Variants in ADAMTS8 observed in about 807,000 individuals in gnomAD.
The protein encoded by ADAMTS8 is ADAM metallopeptidase with thrombospondin type 1 motif 8.
ADAMTS8 carries 50 observed loss-of-function variants against 64.4 expected under a neutral mutation model. The ratio of observed to expected loss-of-function variants is 0.78; its 90% CI spans 0.62 to 0.98. The LOEUF (loss-of-function observed/expected upper bound fraction) is 0.98, where lower values mean the gene tolerates loss of function less well. Ranked by LOEUF, ADAMTS8 falls within the 50% of genes least tolerant of loss-of-function variation. The pLI is 0.00. For missense variants in ADAMTS8, 1,192 were observed against 1,208.2 expected (o/e 0.99, Z 0.20); for synonymous variants, 556 against 533.6 (o/e 1.04, Z -0.58).
Position 130,405,796 on chromosome 11 carries a change from T to A in ADAMTS8, c.2432A>T (p.Asp811Val), listed in dbSNP as rs769784831. 1.7e-5 allele frequency: 28 copies of A among 1,614,072 alleles called. No homozygotes were observed. Among genetic ancestry groups the A allele is most frequent in the Non-Finnish European group, 1.3e-5 (15 of 1,180,044 alleles). Residue 811 changes from aspartate to valine, a missense_variant, in exon 9 of 9, where the codon GAC (aspartate) becomes GTC (valine). By Grantham distance (152) the Asp-to-Val change is radical (BLOSUM62 -3). Coordinates refer to ENST00000257359, the MANE Select transcript of ADAMTS8 (RefSeq NM_007037.6). ...KVKYTFFVPN[D>V]VDFSMQSSKE... ...GCTGCTCTGCATGCTAAAGTCCACGTCATTAGGAACAAAGAAGGTGTATTT... is the reference window on the plus strand; with the variant it reads ...GCTGCTCTGCATGCTAAAGTCCACGACATTAGGAACAAAGAAGGTGTATTT...
At chr11:130,414,040 A>G (rs1489238786) in intron 5 of ADAMTS8, among the ~76,000 whole-genome samples, 1 of 128,730 alleles carries the variant, frequency 7.8e-6, no homozygotes, top group Admixed American at 8.4e-5. Flanking sequence ...CCGTGTGGAT[A>G]AATATGCTTT....
intron 1 of ADAMTS8, among the ~76,000 whole-genome samples, chr11:130,424,456 C>T (rs1325947610): frequency 2.0e-5 from 3 of 152,222 alleles, no homozygotes; most frequent in Non-Finnish European, 4.4e-5. Context: ...CACACAGGTG[C>T]TCAGACCGGG....
At position 130,405,699 on chromosome 11, in the gene ADAMTS8, C is replaced by A; in HGVS notation, c.2529G>T (p.Glu843Asp). 2.5e-6 allele frequency: 4 copies of A among 1,614,154 alleles called. No homozygotes were observed. Among genetic ancestry groups the A allele is most frequent in the Non-Finnish European group, 3.4e-6 (4 of 1,179,988 alleles). ...HAQWVLGDWS[E>D]CSSTCGAGWQ... The stretch of plus-strand genomic sequence containing the variant: ...AGCCGGCCCCGCAGGTGCTAGAGCA[C>A]TCAGACCAGTCCCCCAGCACCCACT... Residue 843 changes from glutamate (E) to aspartate (D), a missense_variant, in exon 9 of 9, where the codon GAG (glutamate) becomes GAT (aspartate). Glu to Asp is a conservative substitution (Grantham distance 45). This residue lies in a region of ADAMTS8 where 147 missense variants were observed against 154.1 expected (regional missense o/e 0.95). Transcript: ENST00000257359.
intron 4 of ADAMTS8, among the ~76,000 whole-genome samples, chr11:130,415,796 G>A (rs535519297): frequency 1.3e-5 from 2 of 151,906 alleles, no homozygotes; most frequent in East Asian, 1.9e-4. Context: ...CCAGCTCCCC[G>A]CCCTCTTGCT....
In ADAMTS8 at chr11:130,423,567, G is replaced by A. The variant is rs1356529014; in HGVS notation, c.720+4000C>T. Among the ~76,000 whole-genome samples the A allele has an allele frequency of 2.6e-5, 4 of 152,218 alleles. No individual in the cohort carries two copies. The East Asian group carries it at 7.7e-4, about 29-fold the overall frequency. On this transcript the variant is annotated intron_variant, in intron 1 of 8. Transcript: ENST00000257359. ...GAAGACATTTTCCCCACAGCATGCAGGTAAGGGGGCATGGAGATGGCTGTG... is the reference window on the plus strand; with the variant it reads ...GAAGACATTTTCCCCACAGCATGCAAGTAAGGGGGCATGGAGATGGCTGTG...
In ADAMTS8 at chr11:130,416,190, GAT is replaced by G; in HGVS notation, c.1235_1236del (p.Tyr412SerfsTer68). On this transcript the variant is annotated frameshift_variant, in exon 4 of 9. Coordinates refer to ENST00000257359, the MANE Select transcript of ADAMTS8 (RefSeq NM_007037.6). LOFTEE classifies it high-confidence loss of function. This position sits in a 1 kb window ranked among gnomAD's most constrained non-coding sequence, Gnocchi z 4.8. ...TGCCCGCCGTCCAGAAGCTCTGTGAGATACATGGCGCTGCAGGGGGACCAGGG... is the reference window on the plus strand; with the variant it reads ...TGCCCGCCGTCCAGAAGCTCTGTGAGACATGGCGCTGCAGGGGGACCAGGG... ...TLPWSPCSAM[Y>X]LTELLDGGHG... is the part of the protein sequence containing the mutation. 1 of 1,595,658 alleles carries G rather than the reference GAT, an allele frequency of 6.3e-7. No individual in the cohort carries two copies. The highest frequency in any genetic ancestry group is 8.5e-7 in the Non-Finnish European group (1 of 1,171,224).
chr11:130,406,125 A>G lies in ADAMTS8; in HGVS notation c.2103T>C (p.Tyr701=), dbSNP rs201177986. 5.0e-6 allele frequency: 8 copies of G among 1,604,704 alleles called. No individual in the cohort carries two copies. The highest frequency in any genetic ancestry group is 6.8e-6 in the Non-Finnish European group (8 of 1,177,804). The change falls in exon 9 of 9, where the codon TAT becomes TAC. Residue 701 remains tyrosine (Y), a synonymous_variant. Coordinates refer to ENST00000257359, the MANE Select transcript of ADAMTS8 (RefSeq NM_007037.6). The part of the protein sequence containing the change: ...KVSGSLTPTN[Y]GYNDIVTIPA... The stretch of plus-strand genomic sequence containing the variant: ...GGATGGTGACAATGTCATTGTAGCC[A>G]TAACTGTGATAGAAACAGAAGGACA...
chr11:130,408,991 G>GTC (rs746520580), intron 6 of ADAMTS8, 51 bp from the exon 7 acceptor site: 1 of 1,499,060 alleles, frequency 6.7e-7, no homozygotes, highest in South Asian at 1.4e-5. Context: ...GGAAGCAGGA[G>GTC]CATCCGGTGG....
intron 4 of ADAMTS8, 56 bp from the exon 5 acceptor site, chr11:130,414,888 G>A: frequency 1.3e-6 from 2 of 1,481,866 alleles, no homozygotes; most frequent in Non-Finnish European, 1.8e-6. Context: ...CGCCCTCTCA[G>A]CTCTTCATGG....
rs1861947950 is a variant in ADAMTS8 at position 130,411,269 on chromosome 11, A to G, written c.1750+148T>C. ...AGGTGGAGATCACAGGCAAAACTCT[A>G]CATCCCAGGAGACCCAATTTACTCC... is the stretch of plus-strand genomic sequence containing the variant. On this transcript the variant is annotated intron_variant, in intron 6 of 8. Transcript: ENST00000257359. This position sits in a 1 kb window ranked among gnomAD's most constrained non-coding sequence, Gnocchi z 4.2. 3.1e-6 allele frequency: 3 copies of G among 967,944 alleles called. No homozygotes were observed. Among genetic ancestry groups the G allele is most frequent in the Admixed American group, 2.9e-5 (1 of 34,632 alleles). 60.0% of individuals were successfully genotyped at this position (967,944 alleles called of 1,614,324 possible).
In ADAMTS8 at chr11:130,416,461, G is replaced by T; in HGVS notation, c.1097-131C>A. 9.8e-7 allele frequency: 1 copy of T among 1,021,904 alleles called. No individual in the cohort carries two copies. Among genetic ancestry groups the T allele is most frequent in the Non-Finnish European group, 1.4e-6 (1 of 725,890 alleles). The allele number at this position is 1,021,904 out of a possible 1,614,324, so 63.3% of individuals were successfully genotyped here. A position where few individuals can be genotyped will look rare whatever the true frequency, so the allele number is the denominator to read the frequency against. ...CACTCTCCGAAGATTTCTGCGTAGG[G>T]CTTTCCCCTGCGCTTTGCTCTTCCA... On this transcript the variant is annotated intron_variant, in intron 3 of 8. Transcript: ENST00000257359. This position sits in a 1 kb window ranked among gnomAD's most constrained non-coding sequence, Gnocchi z 4.8.
intron 1 of ADAMTS8, among the ~76,000 whole-genome samples, chr11:130,425,746 G>A (rs1037221345): frequency 1.3e-4 from 19 of 151,940 alleles, no homozygotes; most frequent in African/African-American, 2.2e-4. Context: ...GACTACAGGC[G>A]CCCACCACCA....
intron 8 of ADAMTS8, among the ~76,000 whole-genome samples, chr11:130,407,408 G>C (rs577878901): frequency 1.3e-5 from 2 of 152,180 alleles, no homozygotes; most frequent in Admixed American, 1.3e-4. Flanking sequence ...ACAGTCCCAA[G>C]TTGCCTGCTG....
chr11:130,416,861 T>C lies in ADAMTS8; in HGVS notation c.1096+79A>G. On this transcript the variant is annotated intron_variant, in intron 3 of 8. Transcript: ENST00000257359. This position sits in a 1 kb window ranked among gnomAD's most constrained non-coding sequence, Gnocchi z 4.8. ...TCCTAAGCAAGGGCCGCATATTCCT[T>C]AGGATCTACGCAACCTTGGATCTGG... 6.3e-7 allele frequency: 1 copy of C among 1,588,422 alleles called. No homozygotes were observed.
In ADAMTS8 at chr11:130,405,981, G is replaced by A. The variant is rs772748911; in HGVS notation, c.2247C>T (p.Ala749=). 5.0e-6 allele frequency: 8 copies of A among 1,614,222 alleles called. No individual in the cohort carries two copies. Among genetic ancestry groups the A allele is most frequent in the Non-Finnish European group, 6.8e-6 (8 of 1,180,042 alleles). Residue 749 remains alanine (A), a synonymous_variant, in exon 9 of 9, where the codon GCC becomes GCT. Transcript: ENST00000257359. ...DGQYLLNGNL[A]ISAIEQDILV... ...AGATGTCCTGCTCTATGGCAGAGAT[G>A]GCCAGGTTGCCGTTGAGCAGGTACT...
At chr11:130,421,441 G>A (rs1862097617) in intron 1 of ADAMTS8, among the ~76,000 whole-genome samples, 1 of 152,128 alleles carries the variant, frequency 6.6e-6, no homozygotes, top group Admixed American at 6.5e-5. Context: ...CGGCTTCAGA[G>A]CCATTTAGCT....
At position 130,428,494 on chromosome 11, in the gene ADAMTS8, C is replaced by A. The variant is rs1461861179; in HGVS notation, c.-208G>T. On this transcript the variant is annotated 5_prime_UTR_variant, in exon 1 of 9. Transcript: ENST00000257359. ...GCGCAGCCCGCTCCTCCCGCGCCGC[C>A]GCCCCCGAGCCGAGCGCGAGCAGCT... The A allele has an allele frequency of 3.1e-6, 3 of 965,440 alleles. No individual in the cohort carries two copies. The highest frequency in any genetic ancestry group is 6.2e-5 in the Admixed American group (1 of 16,208). 59.8% of individuals were successfully genotyped at this position (965,440 alleles called of 1,614,324 possible).
rs150006409 is a variant in ADAMTS8 at position 130,422,690 on chromosome 11, A to G, written c.721-3398T>C. 1.7e-3 allele frequency among the ~76,000 whole-genome samples: 265 copies of G among 152,330 alleles called. 2 individuals are homozygous for G. Among genetic ancestry groups the G allele is most frequent in the African/African-American group, 5.8e-3 (241 of 41,582 alleles). ...CATCTCCTCTTGTTCTGCAAGCAGC[A>G]AAGAGCAATGTTGTCCCTTGAAAGC... On this transcript the variant is annotated intron_variant, in intron 1 of 8. Transcript: ENST00000257359.
rs768301225 is a variant in ADAMTS8, at chr11:130,414,484, T to G, written c.1566+47A>C. On this transcript the variant is annotated intron_variant, in intron 5 of 8. Transcript: ENST00000257359. ...AGCCCTCAGTCCTCCCCATTTCCTT[T>G]TGTTTCTCCTTTCCCCTCCCCGCTA... 2.6e-6 allele frequency: 4 copies of G among 1,532,492 alleles called. No individual in the cohort carries two copies. The East Asian group carries it at 9.1e-5, about 35-fold the overall frequency. The allele number at this position is 1,532,492 out of a possible 1,614,324, so 94.9% of individuals were successfully genotyped here.
Sources: allele counts gnomAD v4.1 joint callset (sites outside exome capture counted in the v4.1 genomes callset), GRCh38; gene constraint gnomAD v4.1.1; regional missense constraint gnomAD v4.1.1; non-coding constraint Gnocchi (gnomAD v3.1); transcripts MANE v1.5; gene names NCBI Gene and HGNC (gene_info 2026-07-23, HGNC 2026-07-21).